The following SHF variants were observed in gnomAD, a reference collection of about 807,000 sequenced individuals.
The protein encoded by SHF is SH2 domain-containing adapter protein F.
Under a neutral mutation model 42.4 loss-of-function variants are expected in SHF, and 30 were observed. The observed-to-expected ratio is 0.71, with a 90% confidence interval of 0.53 to 0.96. The LOEUF is 0.96. Ranked by LOEUF, SHF falls within the 40% of genes least tolerant of loss-of-function variation. The probability of loss-of-function intolerance (pLI) is 0.00; values close to 1 mark genes in which losing one functional copy is unlikely to be tolerated. For missense variants in SHF, 598 were observed against 634.0 expected, an observed-to-expected ratio of 0.94 and a Z score of 0.61; for synonymous variants, 264 against 269.9, an observed-to-expected ratio of 0.98 and a Z score of 0.21.
In SHF at chr15:45,168,095, G is replaced by A. The variant is rs1567026260; in HGVS notation, c.1319C>T (p.Thr440Ile). The change falls in exon 7 of 7, where the codon ACC becomes ATC. Residue 440 changes from threonine (T) to isoleucine (I), a missense_variant. Thr to Ile is a moderately conservative substitution (Grantham distance 89). This residue lies in a region of SHF where 439 missense variants were observed against 524.6 expected (regional missense o/e 0.84). Transcript: ENST00000690270. Reference sequence around the variant, plus strand: ...GCCCAGCACATATTTGTGTTCCTTGGTTCGGGACAGCTTCATGTGCATGAA... The same window carrying A: ...GCCCAGCACATATTTGTGTTCCTTGATTCGGGACAGCTTCATGTGCATGAA... The part of the protein sequence containing the change: ...QGFMHMKLSR[T>I]KEHKYVLGQN... 1 of 1,609,440 alleles carries A rather than the reference G, an allele frequency of 6.2e-7. No homozygotes were observed. Among genetic ancestry groups the A allele is most frequent in the Admixed American group, 1.7e-5 (1 of 59,600 alleles).
Position 45,173,620 on chromosome 15 carries a change from C to A in SHF, c.944G>T (p.Gly315Val). 7 of 1,549,486 alleles carry A rather than the reference C, an allele frequency of 4.5e-6. No homozygotes were observed. Among genetic ancestry groups the A allele is most frequent in the East Asian group, 2.4e-5 (1 of 40,934 alleles). Residue 315 changes from glycine (G) to valine (V), a missense_variant, in exon 4 of 7, where the codon GGT (glycine) becomes GTT (valine). Physicochemically the swap from Gly to Val is moderately radical, Grantham distance 109 (BLOSUM62 -3). Transcript: ENST00000690270. ...GGGCTCAGGGAGGGGCGAGGCTGGA[C>A]CGGAGATGTCCCTGTCCCCATCAGG... The part of the protein sequence containing the change: ...SLPDGDRDIS[G>V]PASPLPEPSL...
upstream of SHF, among the ~76,000 whole-genome samples, chr15:45,188,256 C>G (rs1898581914): frequency 6.6e-6 from 1 of 152,330 alleles, no homozygotes; most frequent in African/African-American, 2.4e-5. Context: ...GGAGCGCATC[C>G]ATCCCCATCT....
At chr15:45,192,385 T>G (rs1898732936), upstream of SHF, among the ~76,000 whole-genome samples, 1 of 142,966 alleles carries the variant, frequency 7.0e-6, no homozygotes, top group Non-Finnish European at 1.5e-5. Flanking sequence ...TTTTTTTTTT[T>G]GAGACAGAGT....
At chr15:45,181,990 C>T (rs1898151824) in intron 1 of SHF, among the ~76,000 whole-genome samples, 1 of 152,234 alleles carries the variant, frequency 6.6e-6, no homozygotes, top group African/African-American at 2.4e-5. Flanking sequence ...CTCCTTCCTG[C>T]CACCCAGCAG....
chr15:45,200,502 G>C (rs1371801107), intron 1 of SHF: 1 of 353,992 alleles, frequency 2.8e-6, no homozygotes, highest in Non-Finnish European at 5.6e-6. Flanking sequence ...TAGGGACACA[G>C]GACCTCGGCT....
At chr15:45,182,183 C>T (rs1172458017) in intron 1 of SHF, among the ~76,000 whole-genome samples, 3 of 152,228 alleles carry the variant, frequency 2.0e-5, no homozygotes, top group African/African-American at 7.2e-5. Context: ...ACCCCCACCA[C>T]GGGGCTCCAG....
At chr15:45,193,658 G>A (rs1898777218) in intron 2 of SHF, among the ~76,000 whole-genome samples, 3 of 152,184 alleles carry the variant, frequency 2.0e-5, no homozygotes, top group African/African-American at 7.2e-5. Context: ...TTGGAGGAAA[G>A]TATGTCGCTT....
chr15:45,183,369 A>G (rs1268305707), intron 1 of SHF, among the ~76,000 whole-genome samples: 1 of 152,238 alleles, frequency 6.6e-6, no homozygotes, highest in Non-Finnish European at 1.5e-5. Flanking sequence ...GGCACAAGGT[A>G]GGTGCCTAGT....
chr15:45,195,456 C>T (rs1898835724), intron 2 of SHF, among the ~76,000 whole-genome samples: 1 of 152,178 alleles, frequency 6.6e-6, no homozygotes, highest in African/African-American at 2.4e-5. Context: ...GACTTCTTTG[C>T]ACCACCTGAG....
In SHF at chr15:45,178,287, T is replaced by C. The variant is rs780645460; in HGVS notation, c.518A>G (p.Tyr173Cys). 1.2e-6 allele frequency: 2 copies of C among 1,613,864 alleles called. No homozygotes were observed. The highest frequency in any genetic ancestry group is 1.1e-5 in the South Asian group (1 of 91,072). The change falls in exon 2 of 7, where the codon TAT (tyrosine) becomes TGT (cysteine). Residue 173 changes from tyrosine (Y) to cysteine (C), a missense_variant. Physicochemically the swap from Tyr to Cys is radical, Grantham distance 194. Transcript: ENST00000690270. The stretch of plus-strand genomic sequence containing the variant: ...CTCCTGAACATCAAACGGGTCCGCA[T>C]AGTCTTCTAGGATAGCTAGCTGTGG... Reference protein sequence around the residue: ...SSDRLAILEDYADPFDVQETG... With the variant: ...SSDRLAILEDCADPFDVQETG...
chr15:45,185,375 G>A (rs1418441225), intron 1 of SHF, among the ~76,000 whole-genome samples: 1 of 152,218 alleles, frequency 6.6e-6, no homozygotes, highest in Non-Finnish European at 1.5e-5. Context: ...TTAGGGTAAG[G>A]GACTCAGGTA....
chr15:45,168,196 C>A, intron 6 of SHF, 63 bp from the exon 7 acceptor site: 1 of 1,448,516 alleles, frequency 6.9e-7, no homozygotes. Flanking sequence ...ATCCATCCAC[C>A]CAGTAACCCT....
Position 45,198,771 on chromosome 15 carries a change from CG to C in SHF, c.303del (p.Leu102Ter). On this transcript the variant is annotated frameshift_variant and splice_region_variant, in exon 2 of 8. Coordinates refer to the SHF transcript ENST00000290894. LOFTEE classifies it high-confidence loss of function. ...TGCGCGTCATTAAATGGCCTACTTA[CG>C]GGGCGAGGTTCCAGCCTGTCCCTGA... 6.2e-7 allele frequency: 1 copy of C among 1,606,698 alleles called. No individual in the cohort carries two copies. Among genetic ancestry groups the C allele is most frequent in the Non-Finnish European group, 8.5e-7 (1 of 1,175,124 alleles).
intron 2 of SHF, among the ~76,000 whole-genome samples, chr15:45,177,944 C>T (rs1346565281): frequency 1.3e-5 from 2 of 152,228 alleles, no homozygotes; most frequent in Non-Finnish European, 2.9e-5. Flanking sequence ...TCTATCTGAA[C>T]TTCAGTTGTG....
Position 45,175,280 on chromosome 15 carries a change from G to C in SHF, c.786C>G (p.Pro262=). The part of the protein sequence containing the change: ...ESRLPEDDER[P]PEEYDQPWEW... ...CCCAGGGCTGGTCATACTCCTCAGG[G>C]GGCCTCTCATCATCCTCTGGCAGGC... Residue 262 remains proline, a synonymous_variant, in exon 3 of 7, where the codon CCC becomes CCG. Transcript: ENST00000690270. The C allele has an allele frequency of 6.2e-7, 1 of 1,612,076 alleles. No homozygotes were observed. The highest frequency in any genetic ancestry group is 8.5e-7 in the Non-Finnish European group (1 of 1,179,230).
chr15:45,176,818 C>T (rs1398025886), intron 2 of SHF, among the ~76,000 whole-genome samples: 2 of 152,202 alleles, frequency 1.3e-5, no homozygotes, highest in African/African-American at 2.4e-5. Context: ...TTCATGGGGG[C>T]TTCCTGGGTT....
At chr15:45,180,066 A>G (rs1031957066) in intron 1 of SHF, among the ~76,000 whole-genome samples, 10 of 150,886 alleles carry the variant, frequency 6.6e-5, no homozygotes, top group African/African-American at 2.4e-4. Flanking sequence ...CTCCTTTACA[A>G]CCTCCTTTGC....
At chr15:45,189,025 T>C (rs1413823632), upstream of SHF, among the ~76,000 whole-genome samples, 1 of 152,076 alleles carries the variant, frequency 6.6e-6, no homozygotes, top group African/African-American at 2.4e-5. Context: ...ACCCCGTCTC[T>C]ACCAAAAATA....
chr15:45,197,973 T>G (rs897352244), intron 2 of SHF, among the ~76,000 whole-genome samples: 1 of 152,158 alleles, frequency 6.6e-6, no homozygotes, highest in Non-Finnish European at 1.5e-5. Context: ...TAGTGGAAAC[T>G]GAAAATAATT....
Sources: allele counts gnomAD v4.1 joint callset (sites outside exome capture counted in the v4.1 genomes callset), GRCh38; gene constraint gnomAD v4.1.1; regional missense constraint gnomAD v4.1.1; transcripts MANE v1.5; gene names NCBI Gene and HGNC (gene_info 2026-07-23, HGNC 2026-07-21).